The following UNC13C variants were observed in gnomAD, a reference collection of about 807,000 sequenced individuals.
UNC13C encodes the protein protein unc-13 homolog C.
Under a neutral mutation model 245.4 loss-of-function variants are expected in UNC13C, and 174 were observed. The ratio of observed to expected loss-of-function variants is 0.71; its 90% CI spans 0.63 to 0.80. The LOEUF (loss-of-function observed/expected upper bound fraction) is 0.80, where lower values mean the gene tolerates loss of function less well. Ranked by LOEUF, UNC13C falls within the 30% of genes least tolerant of loss-of-function variation. The probability of loss-of-function intolerance (pLI) is 0.00; values close to 1 mark genes in which losing one functional copy is unlikely to be tolerated. For synonymous variants in UNC13C, 992 were observed against 895.1 expected, an observed-to-expected ratio of 1.11 and a Z score of -1.93; for missense variants, 2,829 against 2,602.9, an observed-to-expected ratio of 1.09 and a Z score of -1.89.
chr15:54,255,525 G>C (rs1190562148), intron 8 of UNC13C, among the ~76,000 whole-genome samples: 1 of 152,154 alleles, frequency 6.6e-6, no homozygotes, highest in East Asian at 1.9e-4. Flanking sequence ...AGCCACTTGT[G>C]TCTTTTTCTA....
At chr15:54,429,485 C>T (rs1322587441) in intron 19 of UNC13C, among the ~76,000 whole-genome samples, 2 of 151,596 alleles carry the variant, frequency 1.3e-5, no homozygotes, top group East Asian at 1.9e-4. Flanking sequence ...AGTATAGAAA[C>T]ATATAGTTAT....
At chr15:54,103,834 T>TC (rs1900290077) in intron 2 of UNC13C, among the ~76,000 whole-genome samples, 1 of 152,162 alleles carries the variant, frequency 6.6e-6, no homozygotes, top group African/African-American at 2.4e-5. Context: ...AACTCCACAG[T>TC]CCCGGGGTCA....
At chr15:53,977,353 G>A (rs906883423), upstream of UNC13C, among the ~76,000 whole-genome samples, 1 of 151,932 alleles carries the variant, frequency 6.6e-6, no homozygotes, top group Non-Finnish European at 1.5e-5. Flanking sequence ...TGCTATATCC[G>A]GTTTAACTGT....
At chr15:54,007,065 G>A (rs1223117323) in intron 1 of UNC13C, among the ~76,000 whole-genome samples, 1 of 152,130 alleles carries the variant, frequency 6.6e-6, no homozygotes, top group African/African-American at 2.4e-5. Flanking sequence ...GATATGTGGT[G>A]AACCATATTT....
chr15:53,838,598 A>C, the UNC13C span, among the ~76,000 whole-genome samples: 9,972 of 152,060 alleles, frequency 0.066, 1,105 homozygotes, highest in African/African-American at 0.23. Flanking sequence ...AACATCTCTA[A>C]TATACATTCA....
intron 2 of UNC13C, among the ~76,000 whole-genome samples, chr15:54,045,693 T>C (rs1566971402): frequency 6.6e-6 from 1 of 152,246 alleles, no homozygotes; most frequent in Non-Finnish European, 1.5e-5. Flanking sequence ...CTGAGGTGTT[T>C]ACTGAACAAA....
intron 13 of UNC13C, among the ~76,000 whole-genome samples, chr15:54,317,405 C>T (rs182092260): frequency 2.0e-5 from 3 of 151,978 alleles, no homozygotes; most frequent in Non-Finnish European, 4.4e-5. Context: ...AAACACTGCT[C>T]TGGCATTCAA....
chr15:54,446,521 G>T (rs144677629), intron 19 of UNC13C, among the ~76,000 whole-genome samples: 3 of 152,192 alleles, frequency 2.0e-5, no homozygotes, highest in Non-Finnish European at 4.4e-5. Flanking sequence ...TCCCTTGTAA[G>T]TTGGATTCCT....
chr15:54,297,593 G>A (rs893725214), intron 11 of UNC13C, among the ~76,000 whole-genome samples: 5 of 152,018 alleles, frequency 3.3e-5, no homozygotes, highest in Admixed American at 6.6e-5. Flanking sequence ...GCATTAAGTG[G>A]TCCTCCCACC....
intron 4 of UNC13C, among the ~76,000 whole-genome samples, chr15:54,156,543 T>C (rs143113544): frequency 7.7e-4 from 117 of 152,240 alleles, no homozygotes; most frequent in African/African-American, 2.7e-3. Context: ...GTTCCCCACG[T>C]TTAACAATAA....
chr15:53,949,450 A>T, the UNC13C span, among the ~76,000 whole-genome samples: 1 of 152,230 alleles, frequency 6.6e-6, no homozygotes, highest in Non-Finnish European at 1.5e-5. Context: ...AGAAAACTAC[A>T]AGTTATCTAA....
intron 19 of UNC13C, among the ~76,000 whole-genome samples, chr15:54,453,603 G>C (rs529611196): frequency 3.8e-4 from 58 of 152,144 alleles, no homozygotes; most frequent in African/African-American, 1.3e-3. Flanking sequence ...TCCTCATTTT[G>C]TTTACATCTT....
At chr15:54,093,032 T>G (rs530860800) in intron 2 of UNC13C, among the ~76,000 whole-genome samples, 9 of 152,284 alleles carry the variant, frequency 5.9e-5, no homozygotes, top group Middle Eastern at 3.4e-3. Flanking sequence ...TCCAGTCCCC[T>G]TTAGCCTCCA....
chr15:53,985,810 C>T (rs1325465375), intron 1 of UNC13C, among the ~76,000 whole-genome samples: 1 of 152,064 alleles, frequency 6.6e-6, no homozygotes, highest in Non-Finnish European at 1.5e-5. Flanking sequence ...GAGACTACTA[C>T]TTTCGTCTGG....
chr15:53,969,623 C>G, the UNC13C span, among the ~76,000 whole-genome samples: 1 of 147,728 alleles, frequency 6.8e-6, no homozygotes, highest in African/African-American at 2.5e-5. Flanking sequence ...GAGTTAGAGG[C>G]TGCAGTGGGC....
In UNC13C at chr15:54,400,976, C is replaced by T. The variant is rs112586234; in HGVS notation, c.4847+7795C>T. On this transcript the variant is annotated intron_variant, in intron 18 of 32. Transcript: ENST00000260323. Reference sequence around the variant, plus strand: ...GTCCTTTGTAGGGACATGGATGAAGCTGGAAACCATCATTCTCAGCAAAAT... The same window carrying T: ...GTCCTTTGTAGGGACATGGATGAAGTTGGAAACCATCATTCTCAGCAAAAT... Among the ~76,000 whole-genome samples the T allele has an allele frequency of 7.9e-3, 1,207 of 152,178 alleles. 11 individuals are homozygous for T. Among genetic ancestry groups the T allele is most frequent in the African/African-American group, 0.028 (1,153 of 41,504 alleles).
chr15:54,285,689 T>C (rs2037126382), intron 10 of UNC13C, among the ~76,000 whole-genome samples: 1 of 152,154 alleles, frequency 6.6e-6, no homozygotes, highest in Admixed American at 6.5e-5. Context: ...TCATAATTAC[T>C]AGAAGATATT....
At position 54,338,402 on chromosome 15, in the gene UNC13C, G is replaced by A. The variant is rs546949172; in HGVS notation, c.4626G>A (p.Val1542=). 2.5e-6 allele frequency: 4 copies of A among 1,613,574 alleles called. No individual in the cohort carries two copies. The highest frequency in any genetic ancestry group is 1.7e-5 in the Admixed American group (1 of 60,014). Residue 1542 remains valine (V), a synonymous_variant, in exon 17 of 33, where the codon GTG becomes GTA. Coordinates refer to ENST00000260323, the MANE Select transcript of UNC13C (RefSeq NM_001080534.3). ...GCCCCCCAAAAGCGAGCATGGTGGTGAAGGACTGTGTAAGGGCTTGCCTGG... is the reference window on the plus strand; with the variant it reads ...GCCCCCCAAAAGCGAGCATGGTGGTAAAGGACTGTGTAAGGGCTTGCCTGG... ...LQSPPKASMV[V]KDCVRACLDS...
At chr15:54,175,111 T>C (rs2899522) in intron 4 of UNC13C, among the ~76,000 whole-genome samples, 48,300 of 151,884 alleles carry the variant, frequency 0.32, 9,011 homozygotes, top group Non-Finnish European at 0.41. Context: ...CATTCATGAC[T>C]CCAACAGGGG....
Sources: allele counts gnomAD v4.1 joint callset (sites outside exome capture counted in the v4.1 genomes callset), GRCh38; gene constraint gnomAD v4.1.1; transcripts MANE v1.5; gene names NCBI Gene and HGNC (gene_info 2026-07-23, HGNC 2026-07-21).